Variants in UPK3BL2 observed in about 807,000 individuals in gnomAD.
UPK3BL2 encodes uroplakin 3B like 2.
In UPK3BL2, 1 loss-of-function variant was observed where a neutral mutation model predicts 11.3. That is an observed-to-expected ratio of 0.09 (90% CI 0.03 to 0.42). The LOEUF (loss-of-function observed/expected upper bound fraction) is 0.42. Ranked by LOEUF, UPK3BL2 falls within the 10% of genes least tolerant of loss-of-function variation. The pLI, the probability that UPK3BL2 is intolerant of heterozygous loss-of-function variation, is 0.98.
intron 3 of UPK3BL2, among the ~76,000 whole-genome samples, chr7:102,540,858 AAAAAAAAAAAAAAAAAAAGAAGAAAAGG>A (rs1314109445): frequency 1.1e-3 from 100 of 93,040 alleles, no homozygotes; most frequent in African/African-American, 3.9e-3. Context: ...AACAAAACAA[AAAAAAAAAAAAAAAAAAAGAAGAAAAGG>A]AAAAAAAAAA....
downstream of UPK3BL2, chr7:102,538,287 A>AG: frequency 2.4e-6 from 1 of 415,546 alleles, no homozygotes; most frequent in Non-Finnish European, 4.2e-6. Flanking sequence ...CTCAAAAAAA[A>AG]AAAAAAAAAT....
At chr7:102,540,868 A>AAAAAAAAGAAGAAG in intron 3 of UPK3BL2, among the ~76,000 whole-genome samples, 1 of 131,172 alleles carries the variant, frequency 7.6e-6, no homozygotes. Context: ...AAAAAAAAAA[A>AAAAAAAAGAAGAAG]AAAAAAAAGA....
chr7:102,540,893 A>G (rs1335862276), intron 3 of UPK3BL2, among the ~76,000 whole-genome samples, 200 bp downstream of exon 3: 2 of 128,864 alleles, frequency 1.6e-5, no homozygotes, highest in South Asian at 5.8e-4. Context: ...AAGGAAAAAA[A>G]AAAAAAAGAG....
chr7:102,540,877 GAAGAAAAGGAAA>G (rs1800238019), intron 3 of UPK3BL2, among the ~76,000 whole-genome samples: 1 of 68,332 alleles, frequency 1.5e-5, no homozygotes. Flanking sequence ...AAAAAAAAAA[GAAGAAAAGGAAA>G]AAAAAAAAAA....
chr7:102,540,865 A>AAAAC (rs1800232433), intron 3 of UPK3BL2, among the ~76,000 whole-genome samples: 3 of 121,732 alleles, frequency 2.5e-5, no homozygotes, highest in East Asian at 2.1e-4. Flanking sequence ...CAAAAAAAAA[A>AAAAC]AAAAAAAAAA....
chr7:102,540,855 C>CAAAAAAAAAAAAAAAAAAAA (rs1158192702), intron 3 of UPK3BL2, among the ~76,000 whole-genome samples: 16 of 61,242 alleles, frequency 2.6e-4, no homozygotes, highest in African/African-American at 7.2e-4. Flanking sequence ...AAAAACAAAA[C>CAAAAAAAAAAAAAAAAAAAA]AAAAAAAAAA....
intron 3 of UPK3BL2, among the ~76,000 whole-genome samples, chr7:102,540,880 G>GAAGA (rs1800239189): frequency 1.5e-5 from 1 of 65,898 alleles, no homozygotes; most frequent in Non-Finnish European, 3.3e-5. Context: ...AAAAAAAGAA[G>GAAGA]AAAAGGAAAA....
chr7:102,540,059 G>C, exon 4 of UPK3BL2: 1 of 1,229,036 alleles, frequency 8.1e-7, no homozygotes. Flanking sequence ...TTCAGCCACG[G>C]GTCCTTCGTC....
intron 1 of UPK3BL2, chr7:102,542,639 T>C: frequency 7.2e-6 from 7 of 971,428 alleles, no homozygotes; most frequent in Non-Finnish European, 8.6e-6. Context: ...GATTCCTTTC[T>C]TAGAGCTCTC....
chr7:102,539,053 A>AC (rs1223875313), intron 5 of UPK3BL2, among the ~76,000 whole-genome samples: 4 of 25,114 alleles, frequency 1.6e-4, no homozygotes, highest in Admixed American at 5.6e-4. Flanking sequence ...AAATCCTGAC[A>AC]CCCCCCCCTT....
chr7:102,543,083 G>A (rs1356363137), intron 1 of UPK3BL2, among the ~76,000 whole-genome samples: 2 of 150,614 alleles, frequency 1.3e-5, no homozygotes, highest in African/African-American at 4.8e-5. Context: ...TGGGGTTGGG[G>A]GCAGAGATTG....
chr7:102,540,879 AGAAAAGGAAAAAAAAAAAAAAGAGAAG>A (rs1372044813), intron 3 of UPK3BL2, among the ~76,000 whole-genome samples, 187 bp downstream of exon 3: 2,276 of 108,006 alleles, frequency 0.021, 32 homozygotes, highest in South Asian at 0.057. Context: ...AAAAAAAAGA[AGAAAAGGAAAAAAAAAAAAAAGAGAAG>A]AAGGATAATT....
chr7:102,543,027 A>AAAAAAGAAAAAG (rs200890504), intron 1 of UPK3BL2, among the ~76,000 whole-genome samples: 2 of 147,956 alleles, frequency 1.4e-5, no homozygotes, highest in Non-Finnish European at 3.0e-5. Flanking sequence ...AAAGAAAGAA[A>AAAAAAGAAAAAG]AAAAAGAAAA....
At chr7:102,542,969 G>C (rs1199683750) in intron 1 of UPK3BL2, among the ~76,000 whole-genome samples, 1,156 of 143,700 alleles carry the variant, frequency 8.0e-3, no homozygotes, top group African/African-American at 0.032. Flanking sequence ...CTGTACTCCA[G>C]CCTGGGTGAC....
chr7:102,542,283 T>C (rs1359409957), intron 1 of UPK3BL2: 1 of 976,856 alleles, frequency 1.0e-6, no homozygotes, highest in African/African-American at 1.7e-5. Context: ...CCTCCCAACA[T>C]GGCCCCAAGG....
At chr7:102,540,880 GAA>G (rs1434603502) in intron 3 of UPK3BL2, among the ~76,000 whole-genome samples, 2 of 65,902 alleles carry the variant, frequency 3.0e-5, no homozygotes, top group African/African-American at 1.0e-4. Context: ...AAAAAAAGAA[GAA>G]AAGGAAAAAA....
chr7:102,540,850 C>CAAAACAAAAA (rs1800224207), intron 3 of UPK3BL2, among the ~76,000 whole-genome samples: 37 of 60,640 alleles, frequency 6.1e-4, no homozygotes, highest in African/African-American at 2.2e-3. Flanking sequence ...TCTCAAAAAA[C>CAAAACAAAAA]AAAACAAAAA....
intron 3 of UPK3BL2, among the ~76,000 whole-genome samples, chr7:102,540,880 G>GAAAA (rs1434603502): frequency 1.5e-5 from 1 of 65,890 alleles, no homozygotes; most frequent in Non-Finnish European, 3.3e-5. Context: ...AAAAAAAGAA[G>GAAAA]AAAAGGAAAA....
chr7:102,540,859 A>AC (rs1233258450), intron 3 of UPK3BL2, among the ~76,000 whole-genome samples: 6,242 of 108,304 alleles, frequency 0.058, 43 homozygotes, highest in African/African-American at 0.17. Context: ...ACAAAACAAA[A>AC]AAAAAAAAAA....
Sources: gnomAD v4.1 joint callset for allele counts (sites outside exome capture counted in the v4.1 genomes callset) on GRCh38, gnomAD v4.1.1 for gene constraint, MANE v1.5 for transcripts, NCBI Gene and HGNC (gene_info 2026-07-23, HGNC 2026-07-21) for gene names.